ADCY9: variants seen among roughly 807,000 people sequenced by gnomAD.
ADCY9 encodes the protein adenylate cyclase 9.
ADCY9 carries 50 observed loss-of-function variants against 101.5 expected under a neutral mutation model. The ratio of observed to expected loss-of-function variants is 0.49; its 90% CI spans 0.39 to 0.62. ADCY9 has a LOEUF of 0.62. ADCY9 is among the 20% of genes least tolerant of loss of function. ADCY9 has a pLI of 0.00. For missense variants in ADCY9, 1,662 were observed against 1,800.4 expected, an observed-to-expected ratio of 0.92 and a Z score of 1.39; for synonymous variants, 905 against 769.3, an observed-to-expected ratio of 1.18 and a Z score of -2.92.
intron 3 of ADCY9, among the ~76,000 whole-genome samples, chr16:4,004,885 G>A (rs1029984128): frequency 1.3e-5 from 2 of 152,180 alleles, no homozygotes; most frequent in African/African-American, 4.8e-5. Flanking sequence ...TCTCAAGTGA[G>A]CAGCAGCAGG....
intron 2 of ADCY9, among the ~76,000 whole-genome samples, chr16:4,092,026 C>T (rs545245391): frequency 2.0e-5 from 3 of 152,294 alleles, no homozygotes; most frequent in Admixed American, 6.5e-5. Flanking sequence ...CCCAGCACTC[C>T]GGGAGGCCGA....
intron 6 of ADCY9, 187 bp from the exon 7 acceptor site, chr16:3,983,627 G>A: frequency 1.7e-6 from 1 of 600,658 alleles, no homozygotes; most frequent in Non-Finnish European, 2.9e-6. Context: ...AAGGCACAGA[G>A]AAGTTAAACT....
At chr16:3,971,410 G>A (rs114856772) in intron 10 of ADCY9, among the ~76,000 whole-genome samples, 2,258 of 152,282 alleles carry the variant, frequency 0.015, 49 homozygotes, top group African/African-American at 0.051. Flanking sequence ...GGCTGGTCTT[G>A]GGAGCCCTGA....
At chr16:4,087,997 G>A (rs1455069503) in intron 2 of ADCY9, among the ~76,000 whole-genome samples, 1 of 150,142 alleles carries the variant, frequency 6.7e-6, no homozygotes, top group Non-Finnish European at 1.5e-5. Context: ...GTGCAGCAGT[G>A]TGAGCTCAAG....
intron 2 of ADCY9, among the ~76,000 whole-genome samples, chr16:4,017,812 A>G (rs545436227): frequency 6.6e-6 from 1 of 152,342 alleles, no homozygotes; most frequent in South Asian, 2.1e-4. Context: ...TTCATGAAAT[A>G]GCTCCAAGAA....
chr16:3,959,548 T>A (rs1016234579), downstream of ADCY9, among the ~76,000 whole-genome samples: 1 of 152,058 alleles, frequency 6.6e-6, no homozygotes, highest in African/African-American at 2.4e-5. Context: ...AAAACCTAAG[T>A]AAAGGGAGTT....
chr16:3,954,518 G>A (rs891119459), intron 5 of ADCY9, among the ~76,000 whole-genome samples: 3 of 152,152 alleles, frequency 2.0e-5, no homozygotes, highest in African/African-American at 7.2e-5. Context: ...GGGACCTCCG[G>A]GACTTAGTGG....
intron 10 of ADCY9, 25 bp from the exon 11 acceptor site, chr16:3,966,991 G>C (rs2056004987): frequency 6.3e-7 from 1 of 1,588,712 alleles, no homozygotes; most frequent in South Asian, 1.1e-5. Context: ...CACGGGAAAG[G>C]GAGAGGTTAC....
At chr16:3,956,487 G>GTTTTTTTTTTT (rs1567408343) in intron 5 of ADCY9, among the ~76,000 whole-genome samples, 5 of 21,800 alleles carry the variant, frequency 2.3e-4, no homozygotes, top group Admixed American at 6.1e-4. Flanking sequence ...AGCGCAATGA[G>GTTTTTTTTTTT]CTTTTTTTTT....
At chr16:4,066,772 GAAT>G (rs1450759999) in intron 2 of ADCY9, among the ~76,000 whole-genome samples, 9 of 152,182 alleles carry the variant, frequency 5.9e-5, no homozygotes, top group African/African-American at 1.9e-4. Flanking sequence ...TTATTCTTTA[GAAT>G]AATAAACAAT....
intron 7 of ADCY9, among the ~76,000 whole-genome samples, chr16:3,979,891 G>T (rs933714163): frequency 6.6e-6 from 1 of 152,270 alleles, no homozygotes; most frequent in African/African-American, 2.4e-5. Context: ...CTACAAACAG[G>T]GTGCTCTGTG....
chr16:4,112,155 G>A (rs1016554204), intron 2 of ADCY9, among the ~76,000 whole-genome samples: 7 of 152,186 alleles, frequency 4.6e-5, no homozygotes, highest in African/African-American at 1.7e-4. Context: ...TGGCAAGCAG[G>A]GGGTTACACC....
chr16:3,995,696 A>C (rs2056281823), intron 3 of ADCY9, among the ~76,000 whole-genome samples: 1 of 152,034 alleles, frequency 6.6e-6, no homozygotes, highest in Non-Finnish European at 1.5e-5. Flanking sequence ...ATTATTTTGG[A>C]AATTTAAAGT....
At chr16:3,984,334 G>A (rs954724128) in intron 6 of ADCY9, among the ~76,000 whole-genome samples, 27 of 152,306 alleles carry the variant, frequency 1.8e-4, no homozygotes, top group Middle Eastern at 6.8e-3. Context: ...GCACATCATC[G>A]CCTGGGAACC....
intron 2 of ADCY9, among the ~76,000 whole-genome samples, chr16:4,019,146 TA>T (rs1212710248): frequency 4.6e-5 from 7 of 151,922 alleles, no homozygotes; most frequent in South Asian, 2.1e-4. Context: ...CACCTTCTTT[TA>T]AAAAAAAATT....
chr16:4,107,638 T>G (rs944365186), intron 2 of ADCY9, among the ~76,000 whole-genome samples: 8 of 144,504 alleles, frequency 5.5e-5, no homozygotes, highest in African/African-American at 2.1e-4. Flanking sequence ...TGCTAACGGG[T>G]TAGCATCCCA....
chr16:3,958,822 CACT>C (rs1263285910), downstream of ADCY9, among the ~76,000 whole-genome samples: 2 of 151,588 alleles, frequency 1.3e-5, no homozygotes, highest in Non-Finnish European at 2.9e-5. Context: ...AGGCACCCAC[CACT>C]ACGCCTGGCT....
chr16:4,004,284 C>T (rs1040932408), intron 3 of ADCY9, among the ~76,000 whole-genome samples: 2 of 144,606 alleles, frequency 1.4e-5, no homozygotes, highest in Non-Finnish European at 1.5e-5. Flanking sequence ...GAAGCCAACA[C>T]TTGGGTGTAG....
chr16:4,093,288 C>A (rs972855014), intron 2 of ADCY9, among the ~76,000 whole-genome samples: 11 of 152,198 alleles, frequency 7.2e-5, no homozygotes, highest in Admixed American at 6.5e-4. Context: ...CATATTCAAC[C>A]ATTTGCTGTC....
Sources: allele counts gnomAD v4.1 joint callset (sites outside exome capture counted in the v4.1 genomes callset), GRCh38; gene constraint gnomAD v4.1.1; transcripts MANE v1.5; gene names NCBI Gene and HGNC (gene_info 2026-07-23, HGNC 2026-07-21).